TSPOAP1: variants seen among roughly 807,000 people sequenced by gnomAD.
TSPOAP1 encodes the protein TSPO associated protein 1.
TSPOAP1 carries 87 observed loss-of-function variants against 197.0 expected under a neutral mutation model. That is an observed-to-expected ratio of 0.44 (90% CI 0.37 to 0.53). The LOEUF is 0.53. Among genes scored for constraint, TSPOAP1 ranks in the 20% least tolerant of loss-of-function variants. The pLI is 0.00. For synonymous variants in TSPOAP1, 913 were observed against 998.9 expected (o/e 0.91, Z 1.62); for missense variants, 2,174 against 2,411.3 (o/e 0.90, Z 2.06).
intron 24 of TSPOAP1, 46 bp downstream of exon 24, chr17:58,307,564 AC>A (rs1567839029): frequency 6.3e-7 from 1 of 1,596,666 alleles, no homozygotes; most frequent in Non-Finnish European, 8.5e-7. Context: ...AGGAGGGAAG[AC>A]CCAGCTGGTG....
chr17:58,303,751 GA>G (rs1235226061), intron 31 of TSPOAP1: 1 of 152,244 alleles, frequency 6.6e-6, no homozygotes, highest in Non-Finnish European at 1.5e-5. Context: ...GGGCTCAAGT[GA>G]CTCCCACCTC....
At position 58,322,056 on chromosome 17, in the gene TSPOAP1, A is replaced by T. The variant is rs891702363; in HGVS notation, c.1422+252T>A. 46 of 506,010 alleles carry T rather than the reference A, an allele frequency of 9.1e-5. No homozygotes were observed. The highest frequency in any genetic ancestry group is 9.0e-4 in the African/African-American group (46 of 51,396). The allele number at this position is 506,010 out of a possible 1,614,324, so 31.3% of individuals were successfully genotyped here. On this transcript the variant is annotated intron_variant, in intron 10 of 31. Transcript: ENST00000343736. The surrounding 1 kb of genome is among the most constrained non-coding windows in gnomAD (Gnocchi z 5.0). ...AGGGAGGCCTTCCCTGATGACCTCT[A>T]AAGTGGCTCCTCACCCCATCCCAGT... is the stretch of plus-strand genomic sequence containing the variant.
chr17:58,309,241 T>C lies in TSPOAP1; in HGVS notation c.4031A>G (p.Glu1344Gly), dbSNP rs763955353. 1.2e-6 allele frequency: 2 copies of C among 1,613,756 alleles called. No homozygotes were observed. The highest frequency in any genetic ancestry group is 1.7e-6 in the Non-Finnish European group (2 of 1,179,880). The change falls in exon 22 of 32, where the codon GAG (glutamate) becomes GGG (glycine). Residue 1344 changes from glutamate (E) to glycine (G), a missense_variant. Glu to Gly is a moderately conservative substitution (Grantham distance 98). Coordinates refer to ENST00000343736, the MANE Select transcript of TSPOAP1 (RefSeq NM_004758.4). The surrounding 1 kb of genome is among the most constrained non-coding windows in gnomAD (Gnocchi z 5.0). ...ACAGCCTGCCCCTGACTTCTCCTCC[T>C]CCTCGTCCTCCTCTTCCTCTTCCTC... Reference protein sequence around the residue: ...EEEEEEEEDEEEEKSGAGCSS... With the variant: ...EEEEEEEEDEGEEKSGAGCSS...
intron 29 of TSPOAP1, 80 bp downstream of exon 29, chr17:58,305,307 C>T (rs1409883420): frequency 1.3e-6 from 2 of 1,563,316 alleles, no homozygotes; most frequent in East Asian, 2.2e-5. Context: ...CTCCGGACTT[C>T]CTGAGGGTTC....
chr17:58,302,583 A>C (rs1598051625), intron 31 of TSPOAP1, 136 bp from the exon 32 acceptor site: 2 of 454,148 alleles, frequency 4.4e-6, no homozygotes, highest in Non-Finnish European at 6.8e-6. Flanking sequence ...CCAGGGCCTC[A>C]CCTCCCACCA....
intron 29 of TSPOAP1, 94 bp from the exon 30 acceptor site, chr17:58,305,265 A>G: frequency 6.7e-7 from 1 of 1,486,288 alleles, no homozygotes; most frequent in Non-Finnish European, 9.4e-7. Flanking sequence ...TGGGGCCAAA[A>G]CCACTGTCCA....
At position 58,310,144 on chromosome 17, in the gene TSPOAP1, T is replaced by C. The variant is rs749164515; in HGVS notation, c.3714A>G (p.Ala1238=). 6.2e-7 allele frequency: 1 copy of C among 1,612,756 alleles called. No homozygotes were observed. Among genetic ancestry groups the C allele is most frequent in the Non-Finnish European group, 8.5e-7 (1 of 1,179,854 alleles). The change falls in exon 21 of 32, where the codon GCA becomes GCG. Residue 1238 remains alanine (A), a synonymous_variant. Transcript: ENST00000343736. The stretch of plus-strand genomic sequence containing the variant: ...AGTTCACCAGATGAACCCCAAGCTC[T>C]GCTGTGTCCTCCTTCTGCAAGAAGT... ...LRPRAEKEDT[A]ELGVHLVNSL...
chr17:58,323,841 T>C (rs560703311), intron 5 of TSPOAP1, among the ~76,000 whole-genome samples: 2 of 152,350 alleles, frequency 1.3e-5, no homozygotes, highest in East Asian at 3.9e-4. Flanking sequence ...TTTCCCTTTT[T>C]AGCTTCCAGC....
At chr17:58,306,678 G>A in intron 25 of TSPOAP1, 122 bp downstream of exon 25, 2 of 1,265,240 alleles carry the variant, frequency 1.6e-6, no homozygotes, top group Non-Finnish European at 2.2e-6. Context: ...TTCAAGGCAG[G>A]CTCCAAGGCT....
rs927130473 is a variant in TSPOAP1 at position 58,304,197 on chromosome 17, C to T, written c.*32+141G>A. Reference sequence around the variant, plus strand: ...GGGATGACTCTTCATGCAAATCTGGCTCATGGCAAGCTCTCCTTCGCCATT... The same window carrying T: ...GGGATGACTCTTCATGCAAATCTGGTTCATGGCAAGCTCTCCTTCGCCATT... On this transcript the variant is annotated intron_variant, in intron 31 of 31. Coordinates refer to ENST00000343736, the MANE Select transcript of TSPOAP1 (RefSeq NM_004758.4). The surrounding 1 kb of genome is among the most constrained non-coding windows in gnomAD (Gnocchi z 4.2). 4.5e-6 allele frequency: 3 copies of T among 666,834 alleles called. No individual in the cohort carries two copies. Among genetic ancestry groups the T allele is most frequent in the African/African-American group, 1.8e-5 (1 of 55,652 alleles). The allele number at this position is 666,834 out of a possible 1,614,324, so 41.3% of individuals were successfully genotyped here. A position where few individuals can be genotyped will look rare whatever the true frequency, so the allele number is the denominator to read the frequency against.
rs1339630790 is a variant in TSPOAP1 at position 58,305,168 on chromosome 17, C to T, written c.5437G>A (p.Glu1813Lys). 1 of 1,610,420 alleles carries T rather than the reference C, an allele frequency of 6.2e-7. No individual in the cohort carries two copies. The highest frequency in any genetic ancestry group is 2.2e-5 in the East Asian group (1 of 44,854). Residue 1813 changes from glutamate (E) to lysine (K), a missense_variant, in exon 30 of 32, where the codon GAA becomes AAA. By Grantham distance (56) the Glu-to-Lys change is moderately conservative. This residue lies in a region of TSPOAP1 where 60 missense variants were observed against 56.2 expected (regional missense o/e 1.07). Coordinates refer to ENST00000343736, the MANE Select transcript of TSPOAP1 (RefSeq NM_004758.4). The stretch of plus-strand genomic sequence containing the variant: ...ACCAGGCCCCTTTGTCCATTTAATT[C>T]CCCCTGGAGAGAAGAGGCCGGTGAG... ...GMDDDGFYYG[E>K]LNGQRGLVPS...
rs116225286 is a variant in TSPOAP1 at position 58,307,345 on chromosome 17, A to G, written c.4983+266T>C. ...AGTTTAAGCACTTTATGTACATTGGATCATTTAATCCACAAAACACCCTGT... is the reference window on the plus strand; with the variant it reads ...AGTTTAAGCACTTTATGTACATTGGGTCATTTAATCCACAAAACACCCTGT... On this transcript the variant is annotated intron_variant, in intron 24 of 31. Transcript: ENST00000343736. The G allele has an allele frequency of 7.2e-6, 4 of 554,666 alleles. No homozygotes were observed. In the Admixed American group the frequency reaches 1.2e-4, roughly 17 times the overall value. The allele number at this position is 554,666 out of a possible 1,614,324, so 34.4% of individuals were successfully genotyped here. A position where few individuals can be genotyped will look rare whatever the true frequency, so the allele number is the denominator to read the frequency against.
chr17:58,320,592 G>A lies in TSPOAP1; in HGVS notation c.1423-11C>T, dbSNP rs1971376162. The stretch of plus-strand genomic sequence containing the variant: ...GGCTTCAGCCTGGGCCTACAGGTGG[G>A]GGGAACCAAAATACTGGAGGGAAGG... On this transcript the variant is annotated splice_polypyrimidine_tract_variant and intron_variant, in intron 10 of 31. Coordinates refer to ENST00000343736, the MANE Select transcript of TSPOAP1 (RefSeq NM_004758.4). 1 of 1,440,036 alleles carries A rather than the reference G, an allele frequency of 6.9e-7. No homozygotes were observed. Among genetic ancestry groups the A allele is most frequent in the East Asian group, 2.6e-5 (1 of 38,624 alleles). 89.2% of individuals were successfully genotyped at this position (1,440,036 alleles called of 1,614,324 possible). A position where few individuals can be genotyped will look rare whatever the true frequency, so the allele number is the denominator to read the frequency against.
Position 58,301,706 on chromosome 17 carries a change from T to G in TSPOAP1, c.*774A>C. 6.5e-6 allele frequency: 1 copy of G among 153,076 alleles called. No homozygotes were observed. Among genetic ancestry groups the G allele is most frequent in the African/African-American group, 2.4e-5 (1 of 41,436 alleles). The allele number at this position is 153,076 out of a possible 1,614,324, so 9.5% of individuals were successfully genotyped here. On this transcript the variant is annotated 3_prime_UTR_variant, in exon 32 of 32. Coordinates refer to ENST00000343736, the MANE Select transcript of TSPOAP1 (RefSeq NM_004758.4). ...TTGGCCTTTCTCCTTCCTGGGCCTG[T>G]GCAGTGGAAGCGAGGTGGAGGAAGC...
Position 58,326,245 on chromosome 17 carries a change from C to T in TSPOAP1, c.570+48G>A, listed in dbSNP as rs374456166. The T allele has an allele frequency of 1.9e-6, 3 of 1,608,574 alleles. No individual in the cohort carries two copies. The African/African-American group carries it at 4.0e-5, about 22-fold the overall frequency. ...AGCCCTCAGGCCCAGCCCTGGCTCC[C>T]CTCTTCCTTGGTCACCCAGCCTCCG... is the stretch of plus-strand genomic sequence containing the variant. On this transcript the variant is annotated intron_variant, in intron 3 of 31. Coordinates refer to ENST00000343736, the MANE Select transcript of TSPOAP1 (RefSeq NM_004758.4). The surrounding 1 kb of genome is among the most constrained non-coding windows in gnomAD (Gnocchi z 4.7).
At chr17:58,320,869 TC>T (rs1456785655) in intron 10 of TSPOAP1, among the ~76,000 whole-genome samples, 1 of 151,894 alleles carries the variant, frequency 6.6e-6, no homozygotes, top group African/African-American at 2.4e-5. Context: ...CCTCCCAGTT[TC>T]CCCCCTACCT....
rs771963451 is a variant in TSPOAP1, at chr17:58,312,411, C to A, written c.2410G>T (p.Ala804Ser). 2 of 1,612,892 alleles carry A rather than the reference C, an allele frequency of 1.2e-6. No individual in the cohort carries two copies. Among genetic ancestry groups the A allele is most frequent in the South Asian group, 2.2e-5 (2 of 90,958 alleles). Residue 804 changes from alanine to serine, a missense_variant, in exon 17 of 32, where the codon GCC (alanine) becomes TCC (serine). Coordinates refer to ENST00000343736, the MANE Select transcript of TSPOAP1 (RefSeq NM_004758.4). ...PRRLVVLKQL[A>S]HSVVLAWEPP... ...TCCCAGGCCAGCACCACGCTGTGGG[C>A]CAGCTGCTTGAGGACCACCAGACGG...
Position 58,324,796 on chromosome 17 carries a change from T to G in TSPOAP1, c.942+15A>C. 1 of 1,444,458 alleles carries G rather than the reference T, an allele frequency of 6.9e-7. No individual in the cohort carries two copies. 89.5% of individuals were successfully genotyped at this position (1,444,458 alleles called of 1,614,324 possible). ...CTGCACGCACCCACACACCTGCCCT[T>G]GCGCCGGCGCTCACCTCTCCCGGGG... On this transcript the variant is annotated intron_variant, in intron 5 of 31. Coordinates refer to ENST00000343736, the MANE Select transcript of TSPOAP1 (RefSeq NM_004758.4). This position sits in a 1 kb window ranked among gnomAD's most constrained non-coding sequence, Gnocchi z 5.8.
Position 58,312,711 on chromosome 17 carries a change from C to G in TSPOAP1, c.2110G>C (p.Asp704His). 6.2e-7 allele frequency: 1 copy of G among 1,612,968 alleles called. No individual in the cohort carries two copies. The highest frequency in any genetic ancestry group is 8.5e-7 in the Non-Finnish European group (1 of 1,179,808). ...GAAGGGACCAGGCCCCTTCGGCCAT[C>G]CATGAGCTCTCCTGGCAGGAGGAGG... ...EDGFFEGELM[D>H]GRRGLVPSNF... The change falls in exon 17 of 32, where the codon GAT becomes CAT. Residue 704 changes from aspartate to histidine, a missense_variant. Asp to His is a moderately conservative substitution (Grantham distance 81, BLOSUM62 -1). Transcript: ENST00000343736.
Sources: gnomAD v4.1 joint callset for allele counts (sites outside exome capture counted in the v4.1 genomes callset) on GRCh38, gnomAD v4.1.1 for gene constraint, gnomAD v4.1.1 regional missense constraint, Gnocchi (gnomAD v3.1) non-coding constraint, MANE v1.5 for transcripts, NCBI Gene and HGNC (gene_info 2026-07-23, HGNC 2026-07-21) for gene names.